Variants in CNTNAP1 observed in about 807,000 individuals in gnomAD.
CNTNAP1 encodes contactin associated protein 1.
Under a neutral mutation model 161.5 loss-of-function variants are expected in CNTNAP1, and 80 were observed. The observed-to-expected ratio is 0.50, with a 90% confidence interval of 0.41 to 0.60. The LOEUF (loss-of-function observed/expected upper bound fraction) is 0.60. Ranked by LOEUF, CNTNAP1 falls within the 20% of genes least tolerant of loss-of-function variation. The pLI, the probability that CNTNAP1 is intolerant of heterozygous loss-of-function variation, is 0.00. For missense variants in CNTNAP1, 1,464 were observed against 1,854.8 expected (o/e 0.79, Z 3.87); for synonymous variants, 695 against 733.1 (o/e 0.95, Z 0.84).
In CNTNAP1 at chr17:42,690,179, G is replaced by A; in HGVS notation, c.1827G>A (p.Lys609=). 1 of 1,614,080 alleles carries A rather than the reference G, an allele frequency of 6.2e-7. No individual in the cohort carries two copies. The highest frequency in any genetic ancestry group is 8.5e-7 in the Non-Finnish European group (1 of 1,179,990). Residue 609 remains lysine (K), a synonymous_variant, in exon 12 of 24, where the codon AAG becomes AAA. Coordinates refer to ENST00000264638, the MANE Select transcript of CNTNAP1 (RefSeq NM_003632.3). ...ATCCTGATGGCAGTGGCCCCCTGAA[G>A]CCATTTGTAGTGTACTGTGATATCC... ...TIDPDGSGPL[K]PFVVYCDIRE...
At position 42,687,437 on chromosome 17, in the gene CNTNAP1, C is replaced by A; in HGVS notation, c.1045-283C>A. On this transcript the variant is annotated intron_variant, in intron 7 of 23. Transcript: ENST00000264638. This position sits in a 1 kb window ranked among gnomAD's most constrained non-coding sequence, Gnocchi z 4.7. The stretch of plus-strand genomic sequence containing the variant: ...AGCTGGCAGGAGCCAGGTCTGTGGT[C>A]CAAAATTGCCTCTCGATACTGGAAG... 1.9e-6 allele frequency: 1 copy of A among 539,382 alleles called. No individual in the cohort carries two copies. Among genetic ancestry groups the A allele is most frequent in the South Asian group, 2.4e-5 (1 of 42,484 alleles). 33.4% of individuals were successfully genotyped at this position (539,382 alleles called of 1,614,324 possible). A position where few individuals can be genotyped will look rare whatever the true frequency, so the allele number is the denominator to read the frequency against.
intron 23 of CNTNAP1, among the ~76,000 whole-genome samples, chr17:42,698,379 G>C (rs1311130937): frequency 6.6e-6 from 1 of 152,080 alleles, no homozygotes; most frequent in Non-Finnish European, 1.5e-5. Context: ...CCAGACACTT[G>C]AGATGAGTTT....
intron 18 of CNTNAP1, among the ~76,000 whole-genome samples, chr17:42,695,048 A>T (rs1041105157): frequency 6.6e-6 from 1 of 152,122 alleles, no homozygotes. Context: ...GGGCTCAAGC[A>T]ATTCTCCTGC....
At position 42,690,726 on chromosome 17, in the gene CNTNAP1, TC is replaced by T. The variant is rs776568658; in HGVS notation, c.1856-12del. On this transcript the variant is annotated splice_polypyrimidine_tract_variant and intron_variant, in intron 12 of 23. Coordinates refer to ENST00000264638, the MANE Select transcript of CNTNAP1 (RefSeq NM_003632.3). ...CAACTCCAGCCAAAGCTCTGTCCCC[TC>T]TTGTCTGCCAGAGAACCGAGCGTGG... 1 of 1,612,002 alleles carries T rather than the reference TC, an allele frequency of 6.2e-7. No homozygotes were observed. The highest frequency in any genetic ancestry group is 1.1e-5 in the South Asian group (1 of 91,026).
Position 42,690,226 on chromosome 17 carries a change from T to G in CNTNAP1, c.1855+19T>G, listed in dbSNP as rs1429495098. 2 of 1,612,310 alleles carry G rather than the reference T, an allele frequency of 1.2e-6. No individual in the cohort carries two copies. The highest frequency in any genetic ancestry group is 1.7e-6 in the Non-Finnish European group (2 of 1,179,324). On this transcript the variant is annotated intron_variant, in intron 12 of 23. Transcript: ENST00000264638. ...ATCCGAGGTAAGTGTCTCTGTTGGG[T>G]GGTGAGGGGGTGAGGGGAGAACCAG... is the stretch of plus-strand genomic sequence containing the variant.
At chr17:42,683,045 G>A (rs989732814) in intron 1 of CNTNAP1, 149 bp downstream of exon 1, 19 of 769,902 alleles carry the variant, frequency 2.5e-5, no homozygotes, top group Non-Finnish European at 3.6e-5. Context: ...CCTCTCCCCC[G>A]CGCTCCGCAT....
At position 42,687,658 on chromosome 17, in the gene CNTNAP1, G is replaced by T; in HGVS notation, c.1045-62G>T. 6.3e-7 allele frequency: 1 copy of T among 1,581,376 alleles called. No homozygotes were observed. Among genetic ancestry groups the T allele is most frequent in the Non-Finnish European group, 8.6e-7 (1 of 1,162,240 alleles). ...AGGGTCTTAGACCGGTGTGAAAACT[G>T]AATTCCCAGCTGAGGCAGAGGCGGC... On this transcript the variant is annotated intron_variant, in intron 7 of 23. Coordinates refer to ENST00000264638, the MANE Select transcript of CNTNAP1 (RefSeq NM_003632.3). The surrounding 1 kb of genome is among the most constrained non-coding windows in gnomAD (Gnocchi z 4.7).
Position 42,691,773 on chromosome 17 carries a change from C to T in CNTNAP1, c.2345-33C>T, listed in dbSNP as rs536050016. 3.4e-5 allele frequency: 54 copies of T among 1,610,202 alleles called. 1 individual carries two copies. In the South Asian group the frequency reaches 5.6e-4, roughly 17 times the overall value. The stretch of plus-strand genomic sequence containing the variant: ...TCTTCCTCCTCCACCCTCCAATCTC[C>T]CTGACAAGACCTTCCTCCATCTGCT... On this transcript the variant is annotated intron_variant, in intron 15 of 23. Coordinates refer to ENST00000264638, the MANE Select transcript of CNTNAP1 (RefSeq NM_003632.3). This position sits in a 1 kb window ranked among gnomAD's most constrained non-coding sequence, Gnocchi z 4.3.
In CNTNAP1 at chr17:42,685,517, G is replaced by A. The variant is rs1422260955; in HGVS notation, c.715+97G>A. ...CCTCCGCGCATCCGCGCTCAGCCTGGTCTTCCACTTCTCTAAGGCCTGGAC... is the reference window on the plus strand; with the variant it reads ...CCTCCGCGCATCCGCGCTCAGCCTGATCTTCCACTTCTCTAAGGCCTGGAC... On this transcript the variant is annotated intron_variant, in intron 5 of 23. Transcript: ENST00000264638. The surrounding 1 kb of genome is among the most constrained non-coding windows in gnomAD (Gnocchi z 5.0). 3 of 1,197,328 alleles carry A rather than the reference G, an allele frequency of 2.5e-6. No homozygotes were observed. The East Asian group carries it at 7.7e-5, about 31-fold the overall frequency. 74.2% of individuals were successfully genotyped at this position (1,197,328 alleles called of 1,614,324 possible).
intron 18 of CNTNAP1, among the ~76,000 whole-genome samples, chr17:42,694,297 A>G (rs2053127682): frequency 1.4e-5 from 2 of 148,088 alleles, no homozygotes; most frequent in Admixed American, 6.7e-5. Context: ...TCAGCCTTCC[A>G]AGTAGCTGGG....
rs2053033182 is a variant in CNTNAP1, at chr17:42,687,566, G to C, written c.1045-154G>C. ...GCCCCCTCCACAGATGGACGAGCTT[G>C]GAGGGGAAGAGGTCACGTCATGGTT... On this transcript the variant is annotated intron_variant, in intron 7 of 23. Coordinates refer to ENST00000264638, the MANE Select transcript of CNTNAP1 (RefSeq NM_003632.3). This position sits in a 1 kb window ranked among gnomAD's most constrained non-coding sequence, Gnocchi z 4.7. 2.0e-6 allele frequency: 2 copies of C among 1,006,534 alleles called. No homozygotes were observed. The highest frequency in any genetic ancestry group is 3.3e-5 in the African/African-American group (2 of 61,438). The allele number at this position is 1,006,534 out of a possible 1,614,324, so 62.4% of individuals were successfully genotyped here.
In CNTNAP1 at chr17:42,696,166, G is replaced by T; in HGVS notation, c.3474+14G>T. 1 of 1,614,096 alleles carries T rather than the reference G, an allele frequency of 6.2e-7. No homozygotes were observed. Among genetic ancestry groups the T allele is most frequent in the South Asian group, 1.1e-5 (1 of 91,066 alleles). ...CTCTTCATCCAGGTATGCATAGAGG[G>T]AGGTGAGCCAGTTCAGATCATAACC... On this transcript the variant is annotated intron_variant, in intron 20 of 23. Coordinates refer to ENST00000264638, the MANE Select transcript of CNTNAP1 (RefSeq NM_003632.3).
At chr17:42,689,383 T>C in intron 10 of CNTNAP1, 138 bp from the exon 11 acceptor site, 1 of 663,834 alleles carries the variant, frequency 1.5e-6, no homozygotes, top group Non-Finnish European at 2.6e-6. Context: ...CATCTGCGCT[T>C]ATACCCGGCT....
At position 42,687,275 on chromosome 17, in the gene CNTNAP1, A is replaced by G; in HGVS notation, c.1044+229A>G. Reference sequence around the variant, plus strand: ...CAATCACCTTCTTAGTTCATAGATGAAGAAAGTAAGGCGCAGACACAGGGA... The same window carrying G: ...CAATCACCTTCTTAGTTCATAGATGGAGAAAGTAAGGCGCAGACACAGGGA... On this transcript the variant is annotated intron_variant, in intron 7 of 23. Coordinates refer to ENST00000264638, the MANE Select transcript of CNTNAP1 (RefSeq NM_003632.3). This position sits in a 1 kb window ranked among gnomAD's most constrained non-coding sequence, Gnocchi z 4.7. The G allele has an allele frequency of 3.5e-6, 2 of 568,480 alleles. No individual in the cohort carries two copies. 35.2% of individuals were successfully genotyped at this position (568,480 alleles called of 1,614,324 possible).
rs1217648281 is a variant in CNTNAP1, at chr17:42,698,532, T to TGC, written c.3863-84_3863-83dup. The TGC allele has an allele frequency of 1.2e-5, 13 of 1,100,076 alleles. No homozygotes were observed. The African/African-American group carries it at 2.0e-4, about 17-fold the overall frequency. 68.1% of individuals were successfully genotyped at this position (1,100,076 alleles called of 1,614,324 possible). On this transcript the variant is annotated intron_variant, in intron 23 of 23. Transcript: ENST00000264638. ...TGTATACAGGTGAAATCTCAAAGAG[T>TGC]GCGTGTGTGTGTGTGTGTGTGTGTG...
chr17:42,688,800 T>TC, intron 9 of CNTNAP1, 76 bp from the exon 10 acceptor site: 1 of 1,566,224 alleles, frequency 6.4e-7, no homozygotes, highest in Non-Finnish European at 8.7e-7. Flanking sequence ...TATGTCTGGC[T>TC]CCCCCTCAGC....
Position 42,690,961 on chromosome 17 carries a change from G to C in CNTNAP1, c.2059+19G>C, listed in dbSNP as rs748757086. Reference sequence around the variant, plus strand: ...ACTGCAGGTTAGGGCTGGGGTCAGGGAGGTGGCGGAACTGGAGGAGACACC... The same window carrying C: ...ACTGCAGGTTAGGGCTGGGGTCAGGCAGGTGGCGGAACTGGAGGAGACACC... On this transcript the variant is annotated intron_variant, in intron 13 of 23. Transcript: ENST00000264638. The C allele has an allele frequency of 1.2e-6, 2 of 1,613,530 alleles. No individual in the cohort carries two copies. Among genetic ancestry groups the C allele is most frequent in the Non-Finnish European group, 1.7e-6 (2 of 1,179,534 alleles).
chr17:42,686,775 G>A (rs1188077373), intron 6 of CNTNAP1, 128 bp from the exon 7 acceptor site: 6 of 1,140,654 alleles, frequency 5.3e-6, no homozygotes, highest in Non-Finnish European at 4.9e-6. Context: ...ACCGACACTG[G>A]GGAAATGTGT....
chr17:42,686,469 G>GTTGTTTTTTTTTT (rs2053011209), intron 6 of CNTNAP1, among the ~76,000 whole-genome samples: 1 of 71,364 alleles, frequency 1.4e-5, no homozygotes, highest in African/African-American at 5.7e-5. Flanking sequence ...AAAAAGGCCT[G>GTTGTTTTTTTTTT]TTTTTTTTTT....
Sources: gnomAD v4.1 joint callset for allele counts (sites outside exome capture counted in the v4.1 genomes callset) on GRCh38, gnomAD v4.1.1 for gene constraint, Gnocchi (gnomAD v3.1) non-coding constraint, MANE v1.5 for transcripts, NCBI Gene and HGNC (gene_info 2026-07-23, HGNC 2026-07-21) for gene names.